MYH7: variants seen among roughly 807,000 people sequenced by gnomAD.
MYH7 encodes myosin heavy chain 7.
A neutral mutation model predicts 225.4 loss-of-function variants in MYH7; 129 were observed. The ratio of observed to expected loss-of-function variants is 0.57; its 90% CI spans 0.50 to 0.66. MYH7 has a LOEUF of 0.66. Among genes scored for constraint, MYH7 ranks in the 30% least tolerant of loss-of-function variants. The pLI, the probability that MYH7 is intolerant of heterozygous loss-of-function variation, is 0.00. For synonymous variants in MYH7, 971 were observed against 1,007.6 expected, an observed-to-expected ratio of 0.96 and a Z score of 0.69; for missense variants, 1,649 against 2,517.0, an observed-to-expected ratio of 0.66 and a Z score of 7.38.
chr14:23,415,114 T>C lies in MYH7; in HGVS notation c.5440A>G (p.Lys1814Glu), dbSNP rs1237492738. 3.7e-6 allele frequency: 6 copies of C among 1,614,048 alleles called. No homozygotes were observed. Among genetic ancestry groups the C allele is most frequent in the Non-Finnish European group, 5.1e-6 (6 of 1,180,058 alleles). Reference sequence around the variant, plus strand: ...AGCTCCCGCACCCGCGCTTCCAGCTTCTGCAGCTGCTTCTTGCCGCCCTTG... The same window carrying C: ...AGCTCCCGCACCCGCGCTTCCAGCTCCTGCAGCTGCTTCTTGCCGCCCTTG... ...ALKGGKKQLQ[K>E]LEARVRELEN... Residue 1814 changes from lysine (K) to glutamate (E), a missense_variant, in exon 37 of 40, where the codon AAG becomes GAG. By Grantham distance (56) the Lys-to-Glu change is moderately conservative (BLOSUM62 1). Transcript: ENST00000355349. The surrounding 1 kb of genome is among the most constrained non-coding windows in gnomAD (Gnocchi z 6.3).
At chr14:23,419,459 A>G in intron 28 of MYH7, 24 bp downstream of exon 28, 2 of 1,613,562 alleles carry the variant, frequency 1.2e-6, no homozygotes, top group Non-Finnish European at 1.7e-6. Flanking sequence ...GGTGGGAACC[A>G]TGGAGCCCCT....
rs940542716 is a variant in MYH7 at position 23,412,872 on chromosome 14, C to A, written c.5791-1G>T. ...GGCAAAGCTACTCCTCATTCAAGCCCTTTTGAAAGGAAACAAAGTCCAATC... is the reference window on the plus strand; with the variant it reads ...GGCAAAGCTACTCCTCATTCAAGCCATTTTGAAAGGAAACAAAGTCCAATC... On this transcript the variant is annotated splice_acceptor_variant, in intron 39 of 39. Transcript: ENST00000355349. LOFTEE classifies it high-confidence loss of function. 6.8e-6 allele frequency: 11 copies of A among 1,614,074 alleles called. No individual in the cohort carries two copies. The highest frequency in any genetic ancestry group is 9.3e-6 in the Non-Finnish European group (11 of 1,179,996).
At chr14:23,421,291 T>A (rs1892464875) in intron 25 of MYH7, among the ~76,000 whole-genome samples, 1 of 152,170 alleles carries the variant, frequency 6.6e-6, no homozygotes, top group South Asian at 2.1e-4. Context: ...GACATTCCCA[T>A]CTTTGGTCCT....
chr14:23,420,088 G>T lies in MYH7; in HGVS notation c.3483C>A (p.Ile1161=). ...EEAGGATSVQ[I]EMNKKREAEF... is the part of the protein sequence containing the mutation. ...CGGCCTCGCGCTTCTTGTTCATCTC[G>T]ATCTGCACGGACGTGGCCCCGCCGG... Residue 1161 remains isoleucine (I), a synonymous_variant, in exon 27 of 40, where the codon ATC becomes ATA. Coordinates refer to ENST00000355349, the MANE Select transcript of MYH7 (RefSeq NM_000257.4). 1 of 1,599,172 alleles carries T rather than the reference G, an allele frequency of 6.3e-7. No homozygotes were observed. The highest frequency in any genetic ancestry group is 8.5e-7 in the Non-Finnish European group (1 of 1,172,986).
Position 23,434,261 on chromosome 14 carries a change from G to A in MYH7, c.-64-12C>T. 3 of 1,003,170 alleles carry A rather than the reference G, an allele frequency of 3.0e-6. No homozygotes were observed. Among genetic ancestry groups the A allele is most frequent in the Non-Finnish European group, 3.6e-6 (3 of 839,270 alleles). 62.1% of individuals were successfully genotyped at this position (1,003,170 alleles called of 1,614,324 possible). ...GGCCTGCAGGGGACCTGGAGAGAGG[G>A]AAGAGGCTGTGTCAGGGCAGGCTGT... On this transcript the variant is annotated splice_polypyrimidine_tract_variant and intron_variant, in intron 1 of 39. Coordinates refer to ENST00000355349, the MANE Select transcript of MYH7 (RefSeq NM_000257.4).
At chr14:23,428,782 G>A (rs1344467411) in intron 14 of MYH7, 112 bp from the exon 15 acceptor site, 3 of 1,584,648 alleles carry the variant, frequency 1.9e-6, no homozygotes, top group South Asian at 2.3e-5. Context: ...TCCCCTCCAT[G>A]TCAAGGCAGT....
rs1892421496 is a variant in MYH7, at chr14:23,420,243, A to C, written c.3337-9T>G. On this transcript the variant is annotated splice_polypyrimidine_tract_variant and intron_variant, in intron 26 of 39. Coordinates refer to ENST00000355349, the MANE Select transcript of MYH7 (RefSeq NM_000257.4). ...AGCTCCTCGATGCGTGCCTGGTCAG[A>C]CACAAAGGGCTCAGACCCACCGCCT... The C allele has an allele frequency of 5.6e-6, 9 of 1,610,476 alleles. No homozygotes were observed. In the East Asian group the frequency reaches 2.0e-4, roughly 36 times the overall value.
At chr14:23,414,529 G>A (rs997998009) in intron 37 of MYH7, among the ~76,000 whole-genome samples, 19 of 152,180 alleles carry the variant, frequency 1.2e-4, no homozygotes, top group Non-Finnish European at 1.8e-4. Context: ...TGTGCTTAGA[G>A]AGATAGTGAC....
chr14:23,418,047 A>G, intron 30 of MYH7, 163 bp downstream of exon 30: 1 of 1,141,162 alleles, frequency 8.8e-7, no homozygotes, highest in Non-Finnish European at 1.3e-6. Context: ...ATTCGAGCAA[A>G]AAGCTTCCCT....
chr14:23,417,007 C>T lies in MYH7; in HGVS notation c.4520-15G>A, dbSNP rs200886528. The stretch of plus-strand genomic sequence containing the variant: ...GGAGATCTCCTCTGTGTGGGGAACA[C>T]GGTAACTCGGTTGAGGGCTGCTGAG... On this transcript the variant is annotated splice_polypyrimidine_tract_variant and intron_variant, in intron 32 of 39. Transcript: ENST00000355349. The T allele has an allele frequency of 1.6e-4, 259 of 1,614,192 alleles. 1 individual carries two copies. In the East Asian group the frequency reaches 5.5e-3, roughly 34 times the overall value.
Position 23,425,543 on chromosome 14 carries a change from A to T in MYH7, c.2287-125T>A. 1 of 1,577,554 alleles carries T rather than the reference A, an allele frequency of 6.3e-7. No homozygotes were observed. Among genetic ancestry groups the T allele is most frequent in the Non-Finnish European group, 8.6e-7 (1 of 1,157,180 alleles). ...CAGGGAGGAGGTCAATGGCAGCTGGAGCTGGGATGAGGGGAGTGGTGCTAG... is the reference window on the plus strand; with the variant it reads ...CAGGGAGGAGGTCAATGGCAGCTGGTGCTGGGATGAGGGGAGTGGTGCTAG... On this transcript the variant is annotated intron_variant, in intron 20 of 39. Transcript: ENST00000355349. This position sits in a 1 kb window ranked among gnomAD's most constrained non-coding sequence, Gnocchi z 4.6.
chr14:23,425,116 C>T lies in MYH7; in HGVS notation c.2424-92G>A. The stretch of plus-strand genomic sequence containing the variant: ...TGGGAATATCCCATTTCCTTCATCC[C>T]TCCCACCCTTCCTGAGGCCTCTGAC... On this transcript the variant is annotated intron_variant, in intron 21 of 39. Transcript: ENST00000355349. The surrounding 1 kb of genome is among the most constrained non-coding windows in gnomAD (Gnocchi z 4.6). 6.2e-7 allele frequency: 1 copy of T among 1,608,566 alleles called. No individual in the cohort carries two copies.
rs730880905 is a variant in MYH7 at position 23,420,164 on chromosome 14, C to T, written c.3407G>A (p.Arg1136His). The T allele has an allele frequency of 6.2e-6, 10 of 1,601,156 alleles. No individual in the cohort carries two copies. Among genetic ancestry groups the T allele is most frequent in the South Asian group, 1.1e-5 (1 of 89,620 alleles). The change falls in exon 27 of 40, where the codon CGC (arginine) becomes CAC (histidine). Residue 1136 changes from arginine (R) to histidine (H), a missense_variant. Arg to His is a conservative substitution (Grantham distance 29). Around this residue, in one of 12 missense-constraint regions of MYH7, gnomAD observed 106 missense variants for 198.8 expected, o/e 0.53. Transcript: ENST00000355349. ...RTARAKVEKL[R>H]SDLSRELEEI... is the part of the protein sequence containing the mutation. ...CTCCAGCTCCCGAGACAGGTCTGAG[C>T]GCAGCTTCTCCACCTTAGCCCTGGC...
At chr14:23,431,503 G>A (rs780794369) in intron 8 of MYH7, 22 bp from the exon 9 acceptor site, 7 of 1,614,128 alleles carry the variant, frequency 4.3e-6, no homozygotes, top group Non-Finnish European at 5.9e-6. Flanking sequence ...GAAGAGAGTG[G>A]TGATGAGTTG....
intron 30 of MYH7, 91 bp downstream of exon 30, chr14:23,418,119 A>G (rs1346012723): frequency 1.9e-6 from 3 of 1,576,280 alleles, no homozygotes; most frequent in Non-Finnish European, 1.7e-6. Flanking sequence ...CTAGCTAAGC[A>G]TCGCCTGTGT....
At chr14:23,421,113 G>T in intron 25 of MYH7, 65 bp from the exon 26 acceptor site, 1 of 1,137,582 alleles carries the variant, frequency 8.8e-7, no homozygotes, top group Non-Finnish European at 1.3e-6. Flanking sequence ...TCCACCAGTG[G>T]TTGAAAATGG....
Position 23,431,080 on chromosome 14 carries a change from G to A in MYH7, c.797-81C>T. 6 of 1,042,456 alleles carry A rather than the reference G, an allele frequency of 5.8e-6. No individual in the cohort carries two copies. The South Asian group carries it at 7.6e-5, about 13-fold the overall frequency. The allele number at this position is 1,042,456 out of a possible 1,614,324, so 64.6% of individuals were successfully genotyped here. A position where few individuals can be genotyped will look rare whatever the true frequency, so the allele number is the denominator to read the frequency against. On this transcript the variant is annotated intron_variant, in intron 9 of 39. Coordinates refer to ENST00000355349, the MANE Select transcript of MYH7 (RefSeq NM_000257.4). ...GGAAAATTAATGATAAATGTAGCAA[G>A]CAAAAGGCAGAGGGAAGGGAAGAGC...
Position 23,420,997 on chromosome 14 carries a change from G to A in MYH7, c.3297C>T (p.Ala1099=), listed in dbSNP as rs371382011. 1 of 1,612,634 alleles carries A rather than the reference G, an allele frequency of 6.2e-7. No individual in the cohort carries two copies. The highest frequency in any genetic ancestry group is 1.1e-5 in the South Asian group (1 of 90,996). The part of the protein sequence containing the change: ...ALNARIEDEQ[A]LGSQLQKKLK... The stretch of plus-strand genomic sequence containing the variant: ...GCTTCTTCTGCAGCTGGCTGCCGAG[G>A]GCCTGTTCATCCTCAATCCTTGCGT... The change falls in exon 26 of 40, where the codon GCC becomes GCT. Residue 1099 remains alanine, a synonymous_variant. Coordinates refer to ENST00000355349, the MANE Select transcript of MYH7 (RefSeq NM_000257.4).
chr14:23,431,801 G>A lies in MYH7; in HGVS notation c.599C>T (p.Ala200Val), dbSNP rs1892956157. 6.2e-7 allele frequency: 1 copy of A among 1,614,254 alleles called. No homozygotes were observed. The highest frequency in any genetic ancestry group is 8.5e-7 in the Non-Finnish European group (1 of 1,180,046). The change falls in exon 7 of 40, where the codon GCC becomes GTC. Residue 200 changes from alanine (A) to valine (V), a missense_variant. Transcript: ENST00000355349. ...RVIQYFAVIA[A>V]IGDRSKKDQS... ...GTCCTTCTTGCTGCGGTCCCCAATG[G>A]CTGCAATAACAGCAAAGTACTGGAT...
Sources: allele counts gnomAD v4.1 joint callset (sites outside exome capture counted in the v4.1 genomes callset), GRCh38; gene constraint gnomAD v4.1.1; regional missense constraint gnomAD v4.1.1; non-coding constraint Gnocchi (gnomAD v3.1); transcripts MANE v1.5; gene names NCBI Gene and HGNC (gene_info 2026-07-23, HGNC 2026-07-21).